The following LAPTM4B variants were observed in gnomAD, a reference collection of about 807,000 sequenced individuals.
The protein encoded by LAPTM4B is lysosomal protein transmembrane 4 beta.
A neutral mutation model predicts 28.5 loss-of-function variants in LAPTM4B; 26 were observed. The ratio of observed to expected loss-of-function variants is 0.91; its 90% CI spans 0.67 to 1.27. The LOEUF (loss-of-function observed/expected upper bound fraction) is 1.27. LAPTM4B is among the 50% of genes most tolerant of loss of function. LAPTM4B has a pLI of 0.00. For missense variants in LAPTM4B, 288 were observed against 285.8 expected, an observed-to-expected ratio of 1.01 and a Z score of -0.06; for synonymous variants, 109 against 106.4, an observed-to-expected ratio of 1.02 and a Z score of -0.15.
intron 2 of LAPTM4B, among the ~76,000 whole-genome samples, chr8:97,813,620 G>T (rs2449548): frequency 0.39 from 60,012 of 152,174 alleles, 12,958 homozygotes; most frequent in Middle Eastern, 0.5. Context: ...GTTTGCCACT[G>T]GCTAAGAAGG....
chr8:97,781,525 G>T (rs370626972), intron 1 of LAPTM4B, among the ~76,000 whole-genome samples: 2 of 151,676 alleles, frequency 1.3e-5, no homozygotes, highest in Non-Finnish European at 2.9e-5. Context: ...TGATCCGCCC[G>T]CCTCGGCCTC....
At chr8:97,824,635 A>G (rs901385415) in intron 5 of LAPTM4B, among the ~76,000 whole-genome samples, 1 of 152,232 alleles carries the variant, frequency 6.6e-6, no homozygotes, top group Non-Finnish European at 1.5e-5. Context: ...AAAATCACAG[A>G]TAATCATATA....
intron 2 of LAPTM4B, among the ~76,000 whole-genome samples, chr8:97,815,095 A>G (rs564888989): frequency 1.3e-5 from 2 of 152,240 alleles, no homozygotes; most frequent in Non-Finnish European, 2.9e-5. Flanking sequence ...ATATATCTAT[A>G]AAGTAATACC....
intron 1 of LAPTM4B, among the ~76,000 whole-genome samples, chr8:97,785,578 C>T (rs1816387279): frequency 6.6e-6 from 1 of 152,194 alleles, no homozygotes; most frequent in Admixed American, 6.5e-5. Flanking sequence ...AGAATATAGA[C>T]TGACGTTGCC....
chr8:97,828,677 C>A (rs2129819648), intron 6 of LAPTM4B, among the ~76,000 whole-genome samples: 1 of 152,242 alleles, frequency 6.6e-6, no homozygotes, highest in African/African-American at 2.4e-5. Flanking sequence ...AGATTGAGGC[C>A]TCAGCGATTT....
At chr8:97,789,319 C>T (rs1031470779) in intron 1 of LAPTM4B, among the ~76,000 whole-genome samples, 6 of 151,632 alleles carry the variant, frequency 4.0e-5, no homozygotes, top group African/African-American at 1.5e-4. Flanking sequence ...GGTGATCCGC[C>T]CACCTTGGCC....
At chr8:97,794,224 C>T (rs1402879541) in intron 1 of LAPTM4B, among the ~76,000 whole-genome samples, 3 of 152,156 alleles carry the variant, frequency 2.0e-5, no homozygotes. Context: ...AGGTGAACCG[C>T]CCGCCTTGGC....
intron 1 of LAPTM4B, among the ~76,000 whole-genome samples, chr8:97,794,115 G>GATTACC (rs1816545487): frequency 6.6e-6 from 1 of 152,046 alleles, no homozygotes; most frequent in African/African-American, 2.4e-5. Flanking sequence ...AAGTAGCTGG[G>GATTACC]ATTACCAGCA....
At chr8:97,779,305 G>A (rs1563598078) in intron 1 of LAPTM4B, among the ~76,000 whole-genome samples, 5 of 151,908 alleles carry the variant, frequency 3.3e-5, no homozygotes, top group Admixed American at 1.3e-4. Context: ...ACCATGGCCA[G>A]TGTGGTAAAA....
At chr8:97,821,343 T>C (rs1227068094) in intron 5 of LAPTM4B, among the ~76,000 whole-genome samples, 2 of 150,610 alleles carry the variant, frequency 1.3e-5, no homozygotes, top group Non-Finnish European at 3.0e-5. Flanking sequence ...AATAGTGAAA[T>C]GTTGGGGTGA....
intron 5 of LAPTM4B, among the ~76,000 whole-genome samples, chr8:97,820,932 G>A (rs1014791811): frequency 6.6e-6 from 1 of 151,772 alleles, no homozygotes; most frequent in South Asian, 2.1e-4. Context: ...TCACCATGTT[G>A]GCCATGCTGG....
chr8:97,807,223 C>T (rs1816769053), intron 2 of LAPTM4B, among the ~76,000 whole-genome samples: 1 of 152,096 alleles, frequency 6.6e-6, no homozygotes, highest in Admixed American at 6.6e-5. Context: ...CCTCAATTTC[C>T]CCCTCTGCAA....
intron 2 of LAPTM4B, among the ~76,000 whole-genome samples, chr8:97,813,859 A>G (rs1181197687): frequency 2.0e-5 from 3 of 152,210 alleles, no homozygotes; most frequent in Non-Finnish European, 2.9e-5. Flanking sequence ...ATGAAAACCA[A>G]TATTATTTTT....
At chr8:97,819,030 C>T in intron 4 of LAPTM4B, 110 bp from the exon 5 acceptor site, 1 of 687,430 alleles carries the variant, frequency 1.5e-6, no homozygotes, top group Non-Finnish European at 2.6e-6. Flanking sequence ...TAAATAATAG[C>T]TGTCTGCTTT....
In LAPTM4B at chr8:97,851,724, G is replaced by A. The variant is rs1817526966; in HGVS notation, c.*250G>A. 5 of 501,588 alleles carry A rather than the reference G, an allele frequency of 1.0e-5. No homozygotes were observed. Among genetic ancestry groups the A allele is most frequent in the Non-Finnish European group, 1.8e-5 (5 of 283,286 alleles). The allele number at this position is 501,588 out of a possible 1,614,324, so 31.1% of individuals were successfully genotyped here. The stretch of plus-strand genomic sequence containing the variant: ...TAATGGGCTTCACTAACCTTCCCTA[G>A]GCATTGAAACTTCCCCCAAATCTGA... On this transcript the variant is annotated 3_prime_UTR_variant, in exon 7 of 7. Coordinates refer to ENST00000521545, the MANE Select transcript of LAPTM4B (RefSeq NM_018407.6).
intron 6 of LAPTM4B, among the ~76,000 whole-genome samples, chr8:97,834,370 T>C (rs1355431260): frequency 1.3e-5 from 2 of 152,180 alleles, no homozygotes. Flanking sequence ...AGTTTATAAG[T>C]ACGCCTAAAT....
At chr8:97,821,171 A>AC (rs112327154) in intron 5 of LAPTM4B, among the ~76,000 whole-genome samples, 69,416 of 151,670 alleles carry the variant, frequency 0.46, 16,242 homozygotes, top group East Asian at 0.57. Context: ...CCCTGTCTCT[A>AC]TAAAAATACA....
intron 6 of LAPTM4B, among the ~76,000 whole-genome samples, chr8:97,833,805 T>C (rs1817220741): frequency 1.3e-5 from 2 of 152,208 alleles, no homozygotes; most frequent in African/African-American, 4.8e-5. Flanking sequence ...TACCTAGATT[T>C]ATTGATCATT....
chr8:97,798,484 T>C (rs1816625348), intron 1 of LAPTM4B, among the ~76,000 whole-genome samples: 1 of 152,112 alleles, frequency 6.6e-6, no homozygotes, highest in Non-Finnish European at 1.5e-5. Context: ...TTACCTGTCA[T>C]ATCTTTGTTT....
Sources: allele counts gnomAD v4.1 joint callset (sites outside exome capture counted in the v4.1 genomes callset), GRCh38; gene constraint gnomAD v4.1.1; transcripts MANE v1.5; gene names NCBI Gene and HGNC (gene_info 2026-07-23, HGNC 2026-07-21).